BRDT: variants seen among roughly 807,000 people sequenced by gnomAD.
BRDT encodes bromodomain testis associated.
A neutral mutation model predicts 113.9 loss-of-function variants in BRDT; 77 were observed. That is an observed-to-expected ratio of 0.68 (90% CI 0.56 to 0.82). The LOEUF (loss-of-function observed/expected upper bound fraction) is 0.82, where lower values mean the gene tolerates loss of function less well. Ranked by LOEUF, BRDT falls within the 40% of genes least tolerant of loss-of-function variation. The pLI, the probability that BRDT is intolerant of heterozygous loss-of-function variation, is 0.00. For synonymous variants in BRDT, 358 were observed against 366.5 expected, an observed-to-expected ratio of 0.98 and a Z score of 0.26; for missense variants, 1,027 against 1,105.4, an observed-to-expected ratio of 0.93 and a Z score of 1.01.
chr1:91,958,866 G>A (rs1682093140), intron 1 of BRDT, among the ~76,000 whole-genome samples: 3 of 152,046 alleles, frequency 2.0e-5, no homozygotes, highest in Admixed American at 2.0e-4. Flanking sequence ...ACCAGCCTGG[G>A]TGACATGGCA....
chr1:91,965,598 C>T (rs1354725120), intron 3 of BRDT, among the ~76,000 whole-genome samples: 1 of 152,096 alleles, frequency 6.6e-6, no homozygotes, highest in Non-Finnish European at 1.5e-5. Context: ...ACCTGTAATC[C>T]CAGCACTTTG....
At chr1:91,961,293 A>G (rs7540938) in intron 1 of BRDT, among the ~76,000 whole-genome samples, 10,049 of 152,198 alleles carry the variant, frequency 0.066, 390 homozygotes, top group African/African-American at 0.093. Context: ...TCTGGGCGGT[A>G]GAGTGAGACT....
At chr1:91,967,753 G>A (rs1163500411) in intron 3 of BRDT, among the ~76,000 whole-genome samples, 4 of 151,556 alleles carry the variant, frequency 2.6e-5, no homozygotes, top group African/African-American at 4.9e-5. Context: ...GGCTGGTCTC[G>A]AACTCCCGAC....
At chr1:91,991,569 G>A (rs570787813) in intron 13 of BRDT, among the ~76,000 whole-genome samples, 10 of 152,268 alleles carry the variant, frequency 6.6e-5, no homozygotes, top group South Asian at 2.1e-4. Flanking sequence ...AAAACTATGC[G>A]TACAGTGAAG....
chr1:91,963,251 G>A (rs1409435731), intron 2 of BRDT, among the ~76,000 whole-genome samples: 5 of 152,174 alleles, frequency 3.3e-5, no homozygotes, highest in Non-Finnish European at 7.3e-5. Flanking sequence ...GAACCTGGGA[G>A]GCGGAGGTTG....
At chr1:91,970,923 A>G (rs1251595671) in intron 4 of BRDT, among the ~76,000 whole-genome samples, 1 of 151,992 alleles carries the variant, frequency 6.6e-6, no homozygotes, top group Admixed American at 6.6e-5. Context: ...AAAAAAAAAA[A>G]AAAAAAAGAA....
intron 8 of BRDT, among the ~76,000 whole-genome samples, chr1:91,979,977 A>T (rs1684560049): frequency 6.6e-6 from 1 of 152,216 alleles, no homozygotes; most frequent in Non-Finnish European, 1.5e-5. Flanking sequence ...ATTCCTAATC[A>T]TGAGTGGTTG....
chr1:92,007,593 T>C (rs1036022717), intron 18 of BRDT, among the ~76,000 whole-genome samples: 1 of 152,220 alleles, frequency 6.6e-6, no homozygotes, highest in East Asian at 1.9e-4. Context: ...AGAGCATTTT[T>C]TTAGTCCACT....
At chr1:91,968,391 TC>T (rs1683282563) in intron 4 of BRDT, 131 bp downstream of exon 4, 31 of 1,324,108 alleles carry the variant, frequency 2.3e-5, no homozygotes, top group Non-Finnish European at 3.1e-5. Context: ...ATAAAAAATG[TC>T]CATTTGAAAC....
In BRDT at chr1:91,976,335, TTAAG is replaced by T; in HGVS notation, c.516_519del (p.Lys173SerfsTer16). 6.2e-7 allele frequency: 1 copy of T among 1,613,072 alleles called. No homozygotes were observed. Among genetic ancestry groups the T allele is most frequent in the Non-Finnish European group, 8.5e-7 (1 of 1,179,618 alleles). The stretch of plus-strand genomic sequence containing the variant: ...TCACCCAGCGCAACAGAAAAAGTAT[TTAAG>T]CAGCAAGAAATTCCTTCTGTATTTC... On this transcript the variant is annotated frameshift_variant, in exon 5 of 19. Transcript: ENST00000399546. LOFTEE classifies it high-confidence loss of function.
intron 1 of BRDT, among the ~76,000 whole-genome samples, chr1:91,959,731 C>T (rs957999388): frequency 2.4e-4 from 37 of 152,272 alleles, no homozygotes; most frequent in African/African-American, 8.9e-4. Context: ...CATCTGCCCT[C>T]CTCAGCCTAC....
intron 3 of BRDT, 139 bp downstream of exon 3, chr1:91,964,903 G>GTA (rs1553185861): frequency 3.0e-4 from 91 of 302,252 alleles, no homozygotes; most frequent in African/African-American, 4.5e-4. Context: ...GTGTGTGTGT[G>GTA]TATATAATTT....
At chr1:91,959,625 T>C (rs894310952) in intron 1 of BRDT, among the ~76,000 whole-genome samples, 1 of 151,868 alleles carries the variant, frequency 6.6e-6, no homozygotes, top group Non-Finnish European at 1.5e-5. Context: ...GGACTACAGA[T>C]GTGCACCACC....
intron 7 of BRDT, 58 bp from the exon 8 acceptor site, chr1:91,979,511 G>C (rs1055271678): frequency 6.7e-7 from 1 of 1,495,162 alleles, no homozygotes; most frequent in African/African-American, 1.4e-5. Flanking sequence ...TAAAAGCTGT[G>C]ATTGCTGGAT....
At chr1:92,009,941 A>C (rs1397465059) in intron 18 of BRDT, among the ~76,000 whole-genome samples, 1 of 152,052 alleles carries the variant, frequency 6.6e-6, no homozygotes, top group Non-Finnish European at 1.5e-5. Flanking sequence ...TTCTTTTAGC[A>C]CTTTAAAGGT....
chr1:91,950,838 G>C (rs544853293), intron 1 of BRDT: 2 of 151,582 alleles, frequency 1.3e-5, no homozygotes, highest in African/African-American at 4.8e-5. Flanking sequence ...CAGCCTGGCC[G>C]ACATGGCGAA....
rs949701924 is a variant in BRDT at position 91,964,699 on chromosome 1, G to A, written c.265G>A (p.Ala89Thr). 6.6e-7 allele frequency: 1 copy of A among 1,525,088 alleles called. No homozygotes were observed. 94.5% of individuals were successfully genotyped at this position (1,525,088 alleles called of 1,614,324 possible). The change falls in exon 3 of 19, where the codon GCG (alanine) becomes ACG (threonine). Residue 89 changes from alanine (A) to threonine (T), a missense_variant. Coordinates refer to ENST00000399546, the MANE Select transcript of BRDT (RefSeq NM_207189.4). ...GAAGCGCTTGGAGAATAAATATTAT[G>A]CGAAGGCTTCAGAATGTATAGAAGA... ...IKKRLENKYY[A>T]KASECIEDFN... is the part of the protein sequence containing the mutation.
intron 5 of BRDT, among the ~76,000 whole-genome samples, 170 bp downstream of exon 5, chr1:91,976,608 C>CT (rs1684162955): frequency 6.6e-6 from 1 of 152,072 alleles, no homozygotes; most frequent in Non-Finnish European, 1.5e-5. Context: ...TATGAATAGA[C>CT]ACCTAAGAGG....
chr1:91,983,135 T>C (rs1325677388), intron 12 of BRDT, among the ~76,000 whole-genome samples: 3 of 152,182 alleles, frequency 2.0e-5, no homozygotes, highest in Non-Finnish European at 2.9e-5. Flanking sequence ...CAGTTTCTGA[T>C]ACAATATTAT....
Sources: allele counts gnomAD v4.1 joint callset (sites outside exome capture counted in the v4.1 genomes callset), GRCh38; gene constraint gnomAD v4.1.1; transcripts MANE v1.5; gene names NCBI Gene and HGNC (gene_info 2026-07-23, HGNC 2026-07-21).